Variants in ST6GALNAC5 observed in about 807,000 individuals in gnomAD.
ST6GALNAC5 encodes ST6 N-acetylgalactosaminide alpha-2,6-sialyltransferase 5, also known as alpha-N-acetylgalactosaminide alpha-2,6-sialyltransferase 5.
ST6GALNAC5 carries 27 observed loss-of-function variants against 33.6 expected under a neutral mutation model. The ratio of observed to expected loss-of-function variants is 0.80; its 90% CI spans 0.59 to 1.11. ST6GALNAC5 has a LOEUF of 1.11. Among genes scored for constraint, ST6GALNAC5 ranks in the 50% least tolerant of loss-of-function variants. The pLI, the probability that ST6GALNAC5 is intolerant of heterozygous loss-of-function variation, is 0.00. For synonymous variants in ST6GALNAC5, 194 were observed against 171.2 expected, an observed-to-expected ratio of 1.13 and a Z score of -1.04; for missense variants, 428 against 454.0, an observed-to-expected ratio of 0.94 and a Z score of 0.52.
At position 77,063,539 on chromosome 1, in the gene ST6GALNAC5, A is replaced by G; in HGVS notation, c.*333A>G. The G allele has an allele frequency of 3.2e-6, 1 of 310,668 alleles. No individual in the cohort carries two copies. The highest frequency in any genetic ancestry group is 4.5e-5 in the Admixed American group (1 of 22,154). 19.2% of individuals were successfully genotyped at this position (310,668 alleles called of 1,614,324 possible). A position where few individuals can be genotyped will look rare whatever the true frequency, so the allele number is the denominator to read the frequency against. ...GCAACATAAGCAACTCAACAATATT[A>G]GTTGCATTCCTTTATAGACATACCA... On this transcript the variant is annotated 3_prime_UTR_variant, in exon 5 of 5. Coordinates refer to ENST00000477717, the MANE Select transcript of ST6GALNAC5 (RefSeq NM_030965.3).
chr1:76,982,993 C>A (rs561904476), intron 2 of ST6GALNAC5, among the ~76,000 whole-genome samples: 9 of 152,122 alleles, frequency 5.9e-5, no homozygotes, highest in African/African-American at 2.2e-4. Flanking sequence ...GCCTGCTTTA[C>A]AAGAGCTCCT....
intron 2 of ST6GALNAC5, among the ~76,000 whole-genome samples, chr1:76,925,083 A>G (rs1340409677): frequency 6.6e-6 from 1 of 152,002 alleles, no homozygotes; most frequent in Non-Finnish European, 1.5e-5. Context: ...ATCACACGGC[A>G]AGAGCAGAAG....
At chr1:77,018,628 T>G (rs12067516) in intron 2 of ST6GALNAC5, among the ~76,000 whole-genome samples, 5,039 of 152,268 alleles carry the variant, frequency 0.033, 200 homozygotes, top group African/African-American at 0.095. Context: ...GGCCTCAGTT[T>G]AAATCCTGCG....
At chr1:77,001,395 G>C (rs1373522460) in intron 2 of ST6GALNAC5, among the ~76,000 whole-genome samples, 2 of 123,942 alleles carry the variant, frequency 1.6e-5, no homozygotes, top group Admixed American at 8.5e-5. Context: ...ATTTTGGGCT[G>C]AGACAATGGG....
chr1:76,988,006 A>G (rs1180646622), intron 2 of ST6GALNAC5, among the ~76,000 whole-genome samples: 1 of 152,064 alleles, frequency 6.6e-6, no homozygotes, highest in Non-Finnish European at 1.5e-5. Flanking sequence ...AGAAACACCA[A>G]TTATTCTTAG....
intron 2 of ST6GALNAC5, among the ~76,000 whole-genome samples, chr1:76,888,921 G>A (rs1199558617): frequency 6.6e-6 from 1 of 151,960 alleles, no homozygotes; most frequent in Non-Finnish European, 1.5e-5. Flanking sequence ...TGTGGTGAGA[G>A]CACTTAAAAT....
Position 76,903,244 on chromosome 1 carries a change from C to G in ST6GALNAC5, c.261+34502C>G, listed in dbSNP as rs535648595. Among the ~76,000 whole-genome samples, 512 of 152,230 alleles carry G rather than the reference C, an allele frequency of 3.4e-3. 2 individuals are homozygous for G. Among genetic ancestry groups the G allele is most frequent in the Middle Eastern group, 6.8e-3 (2 of 294 alleles). On this transcript the variant is annotated intron_variant, in intron 2 of 4. Transcript: ENST00000477717. ...GGGCAAAGAATCTCAATAGACGTAT[C>G]TCCATAGAAGGCATACAAATAGACA...
intron 2 of ST6GALNAC5, among the ~76,000 whole-genome samples, chr1:77,016,024 A>AC: frequency 1.4e-5 from 2 of 144,580 alleles, no homozygotes; most frequent in Non-Finnish European, 3.0e-5. Context: ...ACCCTCCTCC[A>AC]CCTCCTCCTC....
rs190662563 is a variant in ST6GALNAC5, at chr1:77,059,320, A to T, written c.780-3655A>T. ...CAGGTTCCCTTTGCATTTATTTATCAGGTGTCCTCAGTCTCTAAATCCATG... is the reference window on the plus strand; with the variant it reads ...CAGGTTCCCTTTGCATTTATTTATCTGGTGTCCTCAGTCTCTAAATCCATG... On this transcript the variant is annotated intron_variant, in intron 4 of 4. Coordinates refer to ENST00000477717, the MANE Select transcript of ST6GALNAC5 (RefSeq NM_030965.3). Among the ~76,000 whole-genome samples the T allele has an allele frequency of 2.9e-3, 441 of 152,300 alleles. 2 individuals carry two copies. Among genetic ancestry groups the T allele is most frequent in the Middle Eastern group, 0.01 (3 of 294 alleles).
At chr1:76,955,448 C>T (rs1416273273) in intron 2 of ST6GALNAC5, among the ~76,000 whole-genome samples, 1 of 152,108 alleles carries the variant, frequency 6.6e-6, no homozygotes, top group Non-Finnish European at 1.5e-5. Flanking sequence ...TAGTAATTGA[C>T]TCAGTTGCTA....
rs1652808998 is a variant in ST6GALNAC5 at position 77,067,209 on chromosome 1, G to T, written c.*4003G>T. 6.6e-6 allele frequency among the ~76,000 whole-genome samples: 1 copy of T among 152,134 alleles called. No homozygotes were observed. Among genetic ancestry groups the T allele is most frequent in the Non-Finnish European group, 1.5e-5 (1 of 68,030 alleles). ...GCCTAGGTGTTAGCACATGCCAGAA[G>T]GTACTTTGGAATGGAAAGAGGTGAG... On this transcript the variant is annotated 3_prime_UTR_variant, in exon 5 of 5. Coordinates refer to ENST00000477717, the MANE Select transcript of ST6GALNAC5 (RefSeq NM_030965.3).
At position 77,063,149 on chromosome 1, in the gene ST6GALNAC5, A is replaced by G. The variant is rs1164001118; in HGVS notation, c.954A>G (p.Pro318=). ...CATTCAATATTCACTTTTTTCAACC[A>G]GACTGGAAACCAGAATCACTTGCTA... ...ARTFNIHFFQ[P]DWKPESLAIN... is the part of the protein sequence containing the mutation. The change falls in exon 5 of 5, where the codon CCA becomes CCG. Residue 318 remains proline (P), a synonymous_variant. Coordinates refer to ENST00000477717, the MANE Select transcript of ST6GALNAC5 (RefSeq NM_030965.3). The G allele has an allele frequency of 6.2e-7, 1 of 1,613,894 alleles. No individual in the cohort carries two copies. The highest frequency in any genetic ancestry group is 1.1e-5 in the South Asian group (1 of 91,072).
chr1:76,989,922 A>G (rs1649658623), intron 2 of ST6GALNAC5, among the ~76,000 whole-genome samples: 1 of 152,152 alleles, frequency 6.6e-6, no homozygotes, highest in African/African-American at 2.4e-5. Context: ...GAGATCTGTC[A>G]TGGCTGGTCT....
At position 76,871,004 on chromosome 1, in the gene ST6GALNAC5, T is replaced by C. The variant is rs75027587; in HGVS notation, c.261+2262T>C. On this transcript the variant is annotated intron_variant, in intron 2 of 4. Coordinates refer to ENST00000477717, the MANE Select transcript of ST6GALNAC5 (RefSeq NM_030965.3). ...CCGCTACTATTTATCTGGCTGCAAA[T>C]TGGGCAGAGTTCCCTTACAGATGGT... Among the ~76,000 whole-genome samples, 44 of 152,356 alleles carry C rather than the reference T, an allele frequency of 2.9e-4. 1 individual carries two copies. Among genetic ancestry groups the C allele is most frequent in the Admixed American group, 2.1e-3 (32 of 15,302 alleles).
intron 2 of ST6GALNAC5, among the ~76,000 whole-genome samples, chr1:76,988,468 G>T (rs1649596520): frequency 6.6e-6 from 1 of 151,478 alleles, no homozygotes; most frequent in Non-Finnish European, 1.5e-5. Context: ...TAGTCCTCTG[G>T]TGTTTGTTTA....
intron 2 of ST6GALNAC5, among the ~76,000 whole-genome samples, chr1:76,988,655 TC>T (rs1649604248): frequency 6.6e-6 from 1 of 152,134 alleles, no homozygotes; most frequent in South Asian, 2.1e-4. Context: ...TCCTTTGACT[TC>T]CAGCTGTTTT....
intron 2 of ST6GALNAC5, among the ~76,000 whole-genome samples, chr1:76,978,830 C>A (rs954778703): frequency 2.6e-5 from 4 of 151,876 alleles, no homozygotes; most frequent in Admixed American, 2.6e-4. Flanking sequence ...AAGGAGGAAG[C>A]CAAATTGTCC....
At chr1:76,911,337 T>C (rs1432260695) in intron 2 of ST6GALNAC5, among the ~76,000 whole-genome samples, 2 of 152,086 alleles carry the variant, frequency 1.3e-5, no homozygotes, top group Admixed American at 6.6e-5. Context: ...CTGCTGGATT[T>C]GGTTTGCCAG....
chr1:77,006,195 C>A (rs1050196396), intron 2 of ST6GALNAC5, among the ~76,000 whole-genome samples: 1 of 151,832 alleles, frequency 6.6e-6, no homozygotes, highest in African/African-American at 2.4e-5. Flanking sequence ...TCTTCTGTTG[C>A]CCAGGCTAGG....
Sources: allele counts gnomAD v4.1 joint callset (sites outside exome capture counted in the v4.1 genomes callset), GRCh38; gene constraint gnomAD v4.1.1; transcripts MANE v1.5; gene names NCBI Gene and HGNC (gene_info 2026-07-23, HGNC 2026-07-21).